BCAS3: variants seen among roughly 807,000 people sequenced by gnomAD.
BCAS3 encodes BCAS4/BCAS3 fusion.
A neutral mutation model predicts 116.1 loss-of-function variants in BCAS3; 53 were observed. The observed-to-expected ratio is 0.46, with a 90% CI of 0.37 to 0.57. BCAS3 has a LOEUF of 0.57. BCAS3 is among the 20% of genes least tolerant of loss of function. The pLI is 0.00. For missense variants in BCAS3, 917 were observed against 1,165.4 expected, an observed-to-expected ratio of 0.79 and a Z score of 3.10; for synonymous variants, 391 against 408.2, an observed-to-expected ratio of 0.96 and a Z score of 0.51.
chr17:60,902,515 C>G lies in BCAS3; in HGVS notation c.739-105C>G, dbSNP rs530697879. Reference sequence around the variant, plus strand: ...ATACACTCATGCAAACATTCCCACCCATCACCATCACTGTTCACGGAAAAT... The same window carrying G: ...ATACACTCATGCAAACATTCCCACCGATCACCATCACTGTTCACGGAAAAT... On this transcript the variant is annotated intron_variant, in intron 10 of 23. Coordinates refer to ENST00000407086, the MANE Select transcript of BCAS3 (RefSeq NM_017679.5). 30 of 879,908 alleles carry G rather than the reference C, an allele frequency of 3.4e-5. No homozygotes were observed. The African/African-American group carries it at 3.8e-4, about 11-fold the overall frequency. 54.5% of individuals were successfully genotyped at this position (879,908 alleles called of 1,614,324 possible). A position where few individuals can be genotyped will look rare whatever the true frequency, so the allele number is the denominator to read the frequency against.
intron 22 of BCAS3, among the ~76,000 whole-genome samples, chr17:61,092,877 CAAAA>C: frequency 8.1e-6 from 1 of 124,108 alleles, no homozygotes; most frequent in South Asian, 2.7e-4. Context: ...TTTTCACAAA[CAAAA>C]AAAATCTTTT....
intron 2 of BCAS3, 48 bp from the exon 3 acceptor site, chr17:60,683,934 C>G (rs761398614): frequency 7.5e-6 from 11 of 1,462,760 alleles, no homozygotes; most frequent in Non-Finnish European, 1.0e-5. Context: ...TTTTCATGTT[C>G]TATATTAAGC....
At position 60,956,054 on chromosome 17, in the gene BCAS3, A is replaced by G. The variant is rs1422082097; in HGVS notation, c.1221+8702A>G. ...AAGGTTTTTGGGGCAGTAATTTAAA[A>G]CTATGTAAATATGCCATTCTGCATT... On this transcript the variant is annotated intron_variant, in intron 14 of 23. Transcript: ENST00000407086. This position sits in a 1 kb window ranked among gnomAD's most constrained non-coding sequence, Gnocchi z 4.2. 6.6e-6 allele frequency among the ~76,000 whole-genome samples: 1 copy of G among 152,210 alleles called. No homozygotes were observed. Among genetic ancestry groups the G allele is most frequent in the Admixed American group, 6.5e-5 (1 of 15,282 alleles).
intron 22 of BCAS3, among the ~76,000 whole-genome samples, chr17:61,284,919 C>T (rs1050490611): frequency 6.6e-6 from 1 of 152,220 alleles, no homozygotes; most frequent in African/African-American, 2.4e-5. Flanking sequence ...TCCCCAGCAC[C>T]TAGCTAGTGC....
chr17:61,048,234 C>G (rs567173368), intron 19 of BCAS3, among the ~76,000 whole-genome samples: 3 of 152,070 alleles, frequency 2.0e-5, no homozygotes, highest in African/African-American at 4.8e-5. Context: ...AGCTTCCCAA[C>G]AAGATGGACT....
At position 61,380,425 on chromosome 17, in the gene BCAS3, C is replaced by T. The variant is rs1367178386; in HGVS notation, c.2594-11552C>T. 2.2e-6 allele frequency: 3 copies of T among 1,361,862 alleles called. No homozygotes were observed. Among genetic ancestry groups the T allele is most frequent in the Non-Finnish European group, 3.1e-6 (3 of 980,384 alleles). The allele number at this position is 1,361,862 out of a possible 1,614,324, so 84.4% of individuals were successfully genotyped here. A position where few individuals can be genotyped will look rare whatever the true frequency, so the allele number is the denominator to read the frequency against. On this transcript the variant is annotated intron_variant, in intron 23 of 23. Transcript: ENST00000407086. This position sits in a 1 kb window ranked among gnomAD's most constrained non-coding sequence, Gnocchi z 4.2. ...GTCAAACCAGATTTGGGTATCGACTCACTTTGATCTCAGCTCTTCCTGCTC... is the reference window on the plus strand; with the variant it reads ...GTCAAACCAGATTTGGGTATCGACTTACTTTGATCTCAGCTCTTCCTGCTC...
intron 12 of BCAS3, among the ~76,000 whole-genome samples, chr17:60,917,553 T>G (rs1348917148): frequency 1.3e-5 from 2 of 152,174 alleles, no homozygotes. Flanking sequence ...GTTTATCCAT[T>G]TACTTATTGA....
At chr17:61,092,987 C>T (rs2073717782) in intron 22 of BCAS3, among the ~76,000 whole-genome samples, 1 of 140,778 alleles carries the variant, frequency 7.1e-6, no homozygotes, top group Non-Finnish European at 1.5e-5. Flanking sequence ...CTCACTGCAA[C>T]TTCCGTCTCC....
intron 22 of BCAS3, among the ~76,000 whole-genome samples, chr17:61,114,921 T>A (rs141620727): frequency 0.01 from 1,529 of 152,082 alleles, 25 homozygotes; most frequent in African/African-American, 0.036. Flanking sequence ...AACAGAGCCC[T>A]CAGAAATAAC....
intron 7 of BCAS3, among the ~76,000 whole-genome samples, chr17:60,826,275 C>A (rs2050414839): frequency 2.0e-5 from 3 of 151,484 alleles, no homozygotes; most frequent in Admixed American, 2.0e-4. Context: ...CCTTCACCTC[C>A]CGGTTTCAAG....
rs778737515 is a variant in BCAS3 at position 61,355,739 on chromosome 17, T to C, written c.2426-12588T>C. ...GTGGACACCCGACAAATGTTAGTTA[T>C]CTTACCTTTCCTGATACCTGACCAC... On this transcript the variant is annotated intron_variant, in intron 22 of 23. Coordinates refer to ENST00000407086, the MANE Select transcript of BCAS3 (RefSeq NM_017679.5). This position sits in a 1 kb window ranked among gnomAD's most constrained non-coding sequence, Gnocchi z 4.2. 6.6e-6 allele frequency among the ~76,000 whole-genome samples: 1 copy of C among 152,236 alleles called. No individual in the cohort carries two copies. Among genetic ancestry groups the C allele is most frequent in the Non-Finnish European group, 1.5e-5 (1 of 68,040 alleles).
At chr17:61,157,419 G>T (rs1035613124) in intron 22 of BCAS3, 29 of 152,148 alleles carry the variant, frequency 1.9e-4, no homozygotes, top group African/African-American at 7.0e-4. Context: ...CAGCAGGAGT[G>T]CTATCTGTGG....
At chr17:60,779,541 G>A (rs1179035722) in intron 6 of BCAS3, among the ~76,000 whole-genome samples, 2 of 151,926 alleles carry the variant, frequency 1.3e-5, no homozygotes, top group Non-Finnish European at 2.9e-5. Flanking sequence ...AGCTAATTTT[G>A]TATTTTTAGT....
chr17:60,844,329 C>G (rs2052290406), intron 7 of BCAS3, among the ~76,000 whole-genome samples: 1 of 152,120 alleles, frequency 6.6e-6, no homozygotes, highest in Non-Finnish European at 1.5e-5. Flanking sequence ...GCAATAGTTC[C>G]CTCTACCATT....
At chr17:60,691,004 C>T (rs931495730) in intron 4 of BCAS3, among the ~76,000 whole-genome samples, 6 of 152,058 alleles carry the variant, frequency 3.9e-5, no homozygotes, top group African/African-American at 1.4e-4. Context: ...ATGATCTTGG[C>T]TTACTGCAAC....
rs531551951 is a variant in BCAS3, at chr17:61,356,156, G to A, written c.2426-12171G>A. Among the ~76,000 whole-genome samples the A allele has an allele frequency of 2.8e-4, 42 of 152,170 alleles. 1 individual carries two copies. The East Asian group carries it at 6.2e-3, about 22-fold the overall frequency. On this transcript the variant is annotated intron_variant, in intron 22 of 23. Transcript: ENST00000407086. The surrounding 1 kb of genome is among the most constrained non-coding windows in gnomAD (Gnocchi z 5.4). ...ATTACAGGCGCCTGCCATCATGCCC[G>A]GCTGATTTTTGTATTTTTGTAGAGA... is the stretch of plus-strand genomic sequence containing the variant.
intron 22 of BCAS3, among the ~76,000 whole-genome samples, chr17:61,335,290 G>A (rs148170707): frequency 2.0e-5 from 3 of 152,108 alleles, no homozygotes; most frequent in East Asian, 1.9e-4. Flanking sequence ...ATGCTGAATC[G>A]TCCTTTCCAG....
rs1214107943 is a variant in BCAS3, at chr17:61,023,097, T to C, written c.1637+7196T>C. 6.6e-6 allele frequency among the ~76,000 whole-genome samples: 1 copy of C among 152,196 alleles called. No individual in the cohort carries two copies. Reference sequence around the variant, plus strand: ...TTTGGTAGGGAGCAAGTAAAATTAATGAAAAATTCAAAGTATAACTTAAAA... The same window carrying C: ...TTTGGTAGGGAGCAAGTAAAATTAACGAAAAATTCAAAGTATAACTTAAAA... On this transcript the variant is annotated intron_variant, in intron 16 of 23. Coordinates refer to ENST00000407086, the MANE Select transcript of BCAS3 (RefSeq NM_017679.5). The surrounding 1 kb of genome is among the most constrained non-coding windows in gnomAD (Gnocchi z 4.8).
Position 61,128,212 on chromosome 17 carries a change from T to A in BCAS3, c.2425+43648T>A. 3.0e-6 allele frequency: 3 copies of A among 985,444 alleles called. No homozygotes were observed. Among genetic ancestry groups the A allele is most frequent in the Non-Finnish European group, 3.6e-6 (3 of 829,924 alleles). 61.0% of individuals were successfully genotyped at this position (985,444 alleles called of 1,614,324 possible). ...CACCAGGAATAGTGTGAGTCAAGGATGAGTACATGAAGATGAAGCCCATGC... is the reference window on the plus strand; with the variant it reads ...CACCAGGAATAGTGTGAGTCAAGGAAGAGTACATGAAGATGAAGCCCATGC... On this transcript the variant is annotated intron_variant, in intron 22 of 23. Coordinates refer to ENST00000407086, the MANE Select transcript of BCAS3 (RefSeq NM_017679.5). The surrounding 1 kb of genome is among the most constrained non-coding windows in gnomAD (Gnocchi z 4.1).
Sources: allele counts gnomAD v4.1 joint callset (sites outside exome capture counted in the v4.1 genomes callset), GRCh38; gene constraint gnomAD v4.1.1; non-coding constraint Gnocchi (gnomAD v3.1); transcripts MANE v1.5; gene names NCBI Gene and HGNC (gene_info 2026-07-23, HGNC 2026-07-21).